The following VAV3 variants were observed in gnomAD, a reference collection of about 807,000 sequenced individuals.
The protein encoded by VAV3 is vav guanine nucleotide exchange factor 3, also known as guanine nucleotide exchange factor VAV3.
A neutral mutation model predicts 131.2 loss-of-function variants in VAV3; 94 were observed. The ratio of observed to expected loss-of-function variants is 0.72; its 90% confidence interval spans 0.61 to 0.85. The LOEUF (loss-of-function observed/expected upper bound fraction) is 0.85, where lower values mean the gene tolerates loss of function less well. VAV3 is among the 40% of genes least tolerant of loss of function. The probability of loss-of-function intolerance (pLI) is 0.00; values close to 1 mark genes in which losing one functional copy is unlikely to be tolerated. For synonymous variants in VAV3, 349 were observed against 342.0 expected, an observed-to-expected ratio of 1.02 and a Z score of -0.22; for missense variants, 939 against 1,002.7, an observed-to-expected ratio of 0.94 and a Z score of 0.86.
Position 107,876,882 on chromosome 1 carries a change from T to C in VAV3, c.205-1865A>G, listed in dbSNP as rs149423222. On this transcript the variant is annotated intron_variant, in intron 1 of 26. Coordinates refer to ENST00000370056, the MANE Select transcript of VAV3 (RefSeq NM_006113.5). ...AAGTGAGCAACGTATTAGCTAATTA[T>C]TGTATCTTTGCTTTTTTAAAAGTGT... Among the ~76,000 whole-genome samples the C allele has an allele frequency of 2.7e-3, 407 of 152,344 alleles. 2 individuals are homozygous for C. The highest frequency in any genetic ancestry group is 9.0e-3 in the African/African-American group (376 of 41,584).
intron 9 of VAV3, among the ~76,000 whole-genome samples, chr1:107,762,133 A>AAG (rs1553202923): frequency 5.4e-5 from 8 of 146,916 alleles, no homozygotes; most frequent in Non-Finnish European, 7.6e-5. Context: ...AAAAAAAAAA[A>AAG]GGGCCATACA....
At chr1:107,872,188 A>ACTAT in intron 2 of VAV3, among the ~76,000 whole-genome samples, 1 of 152,246 alleles carries the variant, frequency 6.6e-6, no homozygotes, top group East Asian at 1.9e-4. Context: ...CCCTAGAATC[A>ACTAT]CTATCCAAGC....
chr1:107,820,473 G>A (rs1030778059), intron 2 of VAV3, among the ~76,000 whole-genome samples: 2 of 151,760 alleles, frequency 1.3e-5, no homozygotes, highest in African/African-American at 2.4e-5. Context: ...GAAGGGGAGT[G>A]GGGGGGTAGG....
At chr1:107,585,691 T>C (rs1248294859) in intron 25 of VAV3, among the ~76,000 whole-genome samples, 1 of 151,918 alleles carries the variant, frequency 6.6e-6, no homozygotes, top group Non-Finnish European at 1.5e-5. Flanking sequence ...ATAAAAGTCA[T>C]GGATCCACAC....
intron 22 of VAV3, among the ~76,000 whole-genome samples, chr1:107,606,672 T>C (rs1464344650): frequency 2.0e-5 from 3 of 152,014 alleles, no homozygotes; most frequent in Admixed American, 2.0e-4. Flanking sequence ...ATTTAACTTA[T>C]AAGAGCTCCT....
chr1:107,669,744 T>C (rs781042231), intron 19 of VAV3, among the ~76,000 whole-genome samples: 2 of 152,176 alleles, frequency 1.3e-5, no homozygotes, highest in Non-Finnish European at 2.9e-5. Flanking sequence ...GTATTACTCA[T>C]GAATTTTAAA....
rs1405674672 is a variant in VAV3, at chr1:107,571,976, C to T, written c.*1355G>A. 1 of 152,310 alleles carries T rather than the reference C, an allele frequency of 6.6e-6. No individual in the cohort carries two copies. Among genetic ancestry groups the T allele is most frequent in the Non-Finnish European group, 1.5e-5 (1 of 68,018 alleles). 9.4% of individuals were successfully genotyped at this position (152,310 alleles called of 1,614,324 possible). A position where few individuals can be genotyped will look rare whatever the true frequency, so the allele number is the denominator to read the frequency against. On this transcript the variant is annotated 3_prime_UTR_variant, in exon 27 of 27. Transcript: ENST00000370056. Reference sequence around the variant, plus strand: ...GTTCAGTTCTACTAAGTTAATGCTTCTTTTTTTTCCCAACATGTAACTCTC... The same window carrying T: ...GTTCAGTTCTACTAAGTTAATGCTTTTTTTTTTTCCCAACATGTAACTCTC...
intron 1 of VAV3, among the ~76,000 whole-genome samples, chr1:107,896,742 A>T (rs1028360526): frequency 1.4e-4 from 20 of 143,808 alleles, no homozygotes; most frequent in South Asian, 6.6e-4. Context: ...AATCTGTATT[A>T]AAAAAATGGC....
At chr1:107,662,150 T>A (rs966687167) in intron 19 of VAV3, among the ~76,000 whole-genome samples, 1 of 152,226 alleles carries the variant, frequency 6.6e-6, no homozygotes, top group Non-Finnish European at 1.5e-5. Flanking sequence ...TGAATTGCTA[T>A]GATTTTTTCA....
At chr1:107,687,631 C>A (rs1245372974) in intron 18 of VAV3, among the ~76,000 whole-genome samples, 3 of 152,028 alleles carry the variant, frequency 2.0e-5, no homozygotes, top group Admixed American at 2.0e-4. Context: ...GTCTGGGAAC[C>A]ATTAAAATCT....
intron 18 of VAV3, chr1:107,685,867 G>C (rs1313481166): frequency 1.3e-5 from 2 of 151,364 alleles, no homozygotes; most frequent in African/African-American, 4.9e-5. Context: ...GACGGAGCTG[G>C]ACAGGCCCTT....
intron 1 of VAV3, among the ~76,000 whole-genome samples, chr1:107,891,336 A>T (rs1276410815): frequency 6.6e-6 from 1 of 152,174 alleles, no homozygotes; most frequent in African/African-American, 2.4e-5. Flanking sequence ...TCTTTCAGAA[A>T]ATCTACCAAA....
chr1:107,597,273 C>A (rs537842030), intron 24 of VAV3, among the ~76,000 whole-genome samples: 1 of 150,058 alleles, frequency 6.7e-6, no homozygotes, highest in Non-Finnish European at 1.5e-5. Context: ...TTCTAAAAAT[C>A]CCACTGCCAT....
intron 19 of VAV3, among the ~76,000 whole-genome samples, chr1:107,660,502 G>C (rs1656934359): frequency 6.6e-6 from 1 of 152,158 alleles, no homozygotes; most frequent in Non-Finnish European, 1.5e-5. Flanking sequence ...GGCCAAGGCA[G>C]ACCACTGGCC....
intron 2 of VAV3, among the ~76,000 whole-genome samples, chr1:107,801,771 G>C (rs994613326): frequency 1.3e-5 from 2 of 152,100 alleles, no homozygotes; most frequent in African/African-American, 4.8e-5. Flanking sequence ...GATTCTGGGG[G>C]CTGCCAGATT....
chr1:107,598,602 G>A (rs1412088904), intron 24 of VAV3, among the ~76,000 whole-genome samples: 1 of 152,054 alleles, frequency 6.6e-6, no homozygotes, highest in Non-Finnish European at 1.5e-5. Context: ...ACCTTTAAAA[G>A]CAAAGAGAAA....
intron 22 of VAV3, among the ~76,000 whole-genome samples, chr1:107,605,864 C>G (rs973999640): frequency 6.6e-6 from 1 of 152,182 alleles, no homozygotes; most frequent in Non-Finnish European, 1.5e-5. Context: ...CAAAACACTT[C>G]CGGTCCCAAG....
In VAV3 at chr1:107,895,295, G is replaced by A. The variant is rs144392898; in HGVS notation, c.205-20278C>T. Among the ~76,000 whole-genome samples the A allele has an allele frequency of 1.9e-3, 293 of 152,242 alleles. 3 individuals are homozygous for A. The highest frequency in any genetic ancestry group is 7.0e-3 in the African/African-American group (289 of 41,526). On this transcript the variant is annotated intron_variant, in intron 1 of 26. Transcript: ENST00000370056. ...TTTCCTCAAAGGTGTAGAAAACCAT[G>A]GCTAACATTTGTATTCCACTTACAT... is the stretch of plus-strand genomic sequence containing the variant.
intron 8 of VAV3, 99 bp from the exon 9 acceptor site, chr1:107,765,274 G>C: frequency 1.1e-6 from 1 of 873,330 alleles, no homozygotes; most frequent in Non-Finnish European, 1.9e-6. Flanking sequence ...ACCATTGTTA[G>C]GGATAACCAA....
Sources: allele counts gnomAD v4.1 joint callset (sites outside exome capture counted in the v4.1 genomes callset), GRCh38; gene constraint gnomAD v4.1.1; transcripts MANE v1.5; gene names NCBI Gene and HGNC (gene_info 2026-07-23, HGNC 2026-07-21).